The following ANAPC16 variants were observed in gnomAD, a reference collection of about 807,000 sequenced individuals.
ANAPC16 encodes the protein anaphase promoting complex subunit 16, also known as anaphase-promoting complex subunit 16.
In ANAPC16, 6 loss-of-function variants were observed where a neutral mutation model predicts 13.1. The ratio of observed to expected loss-of-function variants is 0.46; its 90% CI spans 0.25 to 0.90. The LOEUF (loss-of-function observed/expected upper bound fraction) is 0.90, where lower values mean the gene tolerates loss of function less well. Among genes scored for constraint, ANAPC16 ranks in the 40% least tolerant of loss-of-function variants. The pLI, the probability that ANAPC16 is intolerant of heterozygous loss-of-function variation, is 0.18. For missense variants in ANAPC16, 113 were observed against 131.1 expected, an observed-to-expected ratio of 0.86 and a Z score of 0.67; for synonymous variants, 55 against 51.3, an observed-to-expected ratio of 1.07 and a Z score of -0.31.
At chr10:72,229,835 G>C (rs1042668017) in intron 2 of ANAPC16, among the ~76,000 whole-genome samples, 3 of 152,170 alleles carry the variant, frequency 2.0e-5, no homozygotes, top group African/African-American at 4.8e-5. Flanking sequence ...GGAAAATCAA[G>C]GTTACAGTTT....
chr10:72,224,834 C>G (rs1204440718), intron 2 of ANAPC16, among the ~76,000 whole-genome samples: 1 of 152,064 alleles, frequency 6.6e-6, no homozygotes, highest in Admixed American at 6.6e-5. Flanking sequence ...GACTCCTGAC[C>G]CACTGCAGCA....
intron 2 of ANAPC16, 48 bp downstream of exon 2, chr10:72,224,104 A>T (rs764883107): frequency 6.8e-7 from 1 of 1,463,942 alleles, no homozygotes; most frequent in Non-Finnish European, 9.2e-7. Flanking sequence ...TCTGCAATGC[A>T]TATTAATTGT....
chr10:72,221,639 G>A (rs10159577), intron 1 of ANAPC16, among the ~76,000 whole-genome samples: 11,696 of 135,352 alleles, frequency 0.086, 1,267 homozygotes, highest in African/African-American at 0.26. Flanking sequence ...TGCAACCTCC[G>A]CCTCCCAGGT....
chr10:72,233,106 C>T lies in ANAPC16; in HGVS notation c.323C>T (p.Ser108Phe), dbSNP rs1203302500. 6.2e-7 allele frequency: 1 copy of T among 1,614,070 alleles called. No individual in the cohort carries two copies. Among genetic ancestry groups the T allele is most frequent in the African/African-American group, 1.3e-5 (1 of 75,060 alleles). Residue 108 changes from serine to phenylalanine, a missense_variant, in exon 4 of 4, where the codon TCT (serine) becomes TTT (phenylalanine). Physicochemically the swap from Ser to Phe is radical, Grantham distance 155 (BLOSUM62 -2). Transcript: ENST00000299381. ...GAGCAGCTGCTGGGATTCACCCCCT[C>T]TTCAGGTTGATACTGCCTGGATGGT... Reference protein sequence around the residue: ...PIEQLLGFTPSSG With the variant: ...PIEQLLGFTPFSG
chr10:72,231,889 TA>T (rs369260827), intron 3 of ANAPC16, among the ~76,000 whole-genome samples: 2,626 of 140,572 alleles, frequency 0.019, 74 homozygotes, highest in African/African-American at 0.056. Context: ...ACTTCCAACT[TA>T]AAAAAAAAAA....
intron 1 of ANAPC16, among the ~76,000 whole-genome samples, chr10:72,222,439 A>T (rs1179616882): frequency 7.8e-6 from 1 of 128,044 alleles, no homozygotes; most frequent in African/African-American, 4.2e-5. Flanking sequence ...TACATACCAG[A>T]CTGAGCAACA....
In ANAPC16 at chr10:72,233,966, C is replaced by CTTA. The variant is rs1860399853; in HGVS notation, c.*852_*853insATT. On this transcript the variant is annotated 3_prime_UTR_variant, in exon 4 of 4. Transcript: ENST00000299381. ...CTGGCTTTACTTAAGGGATATTTGT[C>CTTA]TTTATAGGAGTACATAAATTTATCT... 6.6e-6 allele frequency: 1 copy of CTTA among 151,182 alleles called. No homozygotes were observed. The highest frequency in any genetic ancestry group is 1.5e-5 in the Non-Finnish European group (1 of 67,866). The allele number at this position is 151,182 out of a possible 1,614,324, so 9.4% of individuals were successfully genotyped here.
chr10:72,227,170 C>T (rs549226325), intron 2 of ANAPC16, among the ~76,000 whole-genome samples: 18 of 152,134 alleles, frequency 1.2e-4, no homozygotes, highest in Non-Finnish European at 2.6e-4. Context: ...CATTTAAATT[C>T]TAGCTATAAG....
At chr10:72,231,800 C>T (rs1049409012) in intron 3 of ANAPC16, among the ~76,000 whole-genome samples, 64 of 152,140 alleles carry the variant, frequency 4.2e-4, no homozygotes, top group African/African-American at 1.5e-3. Context: ...TGTGATCCGC[C>T]TGCCTTGGCA....
chr10:72,222,104 G>A (rs897926204), intron 1 of ANAPC16, among the ~76,000 whole-genome samples: 2 of 150,716 alleles, frequency 1.3e-5, no homozygotes, highest in South Asian at 2.1e-4. Flanking sequence ...CACGGTGGGA[G>A]AATCACTTGA....
chr10:72,216,294 G>C (rs1009458896), intron 1 of ANAPC16, 156 bp downstream of exon 1: 1 of 160,584 alleles, frequency 6.2e-6, no homozygotes, highest in East Asian at 1.9e-4. Flanking sequence ...CCCAGGCCGG[G>C]TTTGACCGAG....
intron 2 of ANAPC16, among the ~76,000 whole-genome samples, chr10:72,224,476 G>A (rs1160217261): frequency 2.0e-5 from 3 of 152,124 alleles, no homozygotes; most frequent in Non-Finnish European, 4.4e-5. Flanking sequence ...AGCCGGGCAT[G>A]GTGGTAGGCG....
intron 2 of ANAPC16, among the ~76,000 whole-genome samples, chr10:72,226,182 A>AT (rs1265962133): frequency 4.6e-5 from 7 of 151,104 alleles, no homozygotes; most frequent in East Asian, 4.0e-4. Context: ...CACCTGGCTA[A>AT]TTTTTTTAAT....
chr10:72,230,792 G>T (rs1468607615), intron 3 of ANAPC16, among the ~76,000 whole-genome samples: 2 of 152,132 alleles, frequency 1.3e-5, no homozygotes, highest in Non-Finnish European at 2.9e-5. Context: ...TTGGGAGGCT[G>T]AGGTGGGAAG....
chr10:72,233,552 G>C lies in ANAPC16; in HGVS notation c.*436G>C, dbSNP rs778124693. 1 of 152,528 alleles carries C rather than the reference G, an allele frequency of 6.6e-6. No individual in the cohort carries two copies. The highest frequency in any genetic ancestry group is 2.4e-5 in the African/African-American group (1 of 41,206). 9.4% of individuals were successfully genotyped at this position (152,528 alleles called of 1,614,324 possible). ...TCTGACCTAAAAAAGTTATTTTGCA[G>C]ATGAATGTGTTTTCAACTCAGGACC... is the stretch of plus-strand genomic sequence containing the variant. On this transcript the variant is annotated 3_prime_UTR_variant, in exon 4 of 4. Coordinates refer to ENST00000299381, the MANE Select transcript of ANAPC16 (RefSeq NM_173473.4).
At chr10:72,226,733 AAAT>A (rs926042428) in intron 2 of ANAPC16, among the ~76,000 whole-genome samples, 2 of 152,062 alleles carry the variant, frequency 1.3e-5, no homozygotes, top group African/African-American at 4.8e-5. Context: ...GAATAATCAG[AAAT>A]AATAAAAAGA....
At chr10:72,230,464 T>G (rs144438821) in intron 3 of ANAPC16, 24 bp downstream of exon 3, 1 of 1,602,424 alleles carries the variant, frequency 6.2e-7, no homozygotes, top group Non-Finnish European at 8.5e-7. Context: ...TGTTGCGTAC[T>G]TGACTGTGAG....
rs1445642628 is a variant in ANAPC16 at position 72,216,108 on chromosome 10, G to C, written c.-58G>C. ...CCACTCAGGCTGGTCCTGGGGGTGG[G>C]GCTGTAGGGGAAAGTGCTAAAGCCG... On this transcript the variant is annotated 5_prime_UTR_variant, in exon 1 of 4. Coordinates refer to ENST00000299381, the MANE Select transcript of ANAPC16 (RefSeq NM_173473.4). The C allele has an allele frequency of 1.3e-5, 2 of 152,452 alleles. No homozygotes were observed. Among genetic ancestry groups the C allele is most frequent in the Admixed American group, 6.5e-5 (1 of 15,280 alleles). The allele number at this position is 152,452 out of a possible 1,614,324, so 9.4% of individuals were successfully genotyped here. A position where few individuals can be genotyped will look rare whatever the true frequency, so the allele number is the denominator to read the frequency against.
Position 72,233,203 on chromosome 10 carries a change from C to A in ANAPC16, c.*87C>A. 1 of 961,442 alleles carries A rather than the reference C, an allele frequency of 1.0e-6. No homozygotes were observed. The allele number at this position is 961,442 out of a possible 1,614,324, so 59.6% of individuals were successfully genotyped here. ...CAGCTTACATAGCCATCCAGAGATCCACAGCTACGTCACTGAATTGTTAAT... is the reference window on the plus strand; with the variant it reads ...CAGCTTACATAGCCATCCAGAGATCAACAGCTACGTCACTGAATTGTTAAT... On this transcript the variant is annotated 3_prime_UTR_variant, in exon 4 of 4. Coordinates refer to ENST00000299381, the MANE Select transcript of ANAPC16 (RefSeq NM_173473.4).
Sources: gnomAD v4.1 joint callset for allele counts (sites outside exome capture counted in the v4.1 genomes callset) on GRCh38, gnomAD v4.1.1 for gene constraint, MANE v1.5 for transcripts, NCBI Gene and HGNC (gene_info 2026-07-23, HGNC 2026-07-21) for gene names.